RAD18: variants seen among roughly 807,000 people sequenced by gnomAD.
The protein encoded by RAD18 is RAD18 E3 ubiquitin protein ligase, also known as E3 ubiquitin-protein ligase RAD18.
RAD18 carries 47 observed loss-of-function variants against 60.4 expected under a neutral mutation model. That is an observed-to-expected ratio of 0.78 (90% confidence interval 0.62 to 0.99). The LOEUF (loss-of-function observed/expected upper bound fraction) is 0.99. Among genes scored for constraint, RAD18 ranks in the 50% least tolerant of loss-of-function variants. The pLI is 0.00. For synonymous variants in RAD18, 225 were observed against 195.5 expected, an observed-to-expected ratio of 1.15 and a Z score of -1.26; for missense variants, 640 against 593.3, an observed-to-expected ratio of 1.08 and a Z score of -0.82.
At position 8,901,210 on chromosome 3, in the gene RAD18, C is replaced by T. The variant is rs920129965; in HGVS notation, c.1168+1170G>A. Among the ~76,000 whole-genome samples, 4 of 152,126 alleles carry T rather than the reference C, an allele frequency of 2.6e-5. No individual in the cohort carries two copies. In the South Asian group the frequency reaches 8.3e-4, roughly 32 times the overall value. ...GATGAGGATGTGAAGAAATTGGAAC[C>T]CTCATGCTTCGCTGGTGGGAATGTA... On this transcript the variant is annotated intron_variant, in intron 10 of 12. Transcript: ENST00000264926.
intron 12 of RAD18, among the ~76,000 whole-genome samples, chr3:8,882,659 A>G (rs947157200): frequency 4.6e-5 from 7 of 152,232 alleles, no homozygotes; most frequent in African/African-American, 1.7e-4. Flanking sequence ...GGTGCAGGAA[A>G]GCAAGCATGG....
chr3:8,940,784 T>C (rs1258558094), intron 5 of RAD18, among the ~76,000 whole-genome samples: 2 of 152,212 alleles, frequency 1.3e-5, no homozygotes, highest in African/African-American at 2.4e-5. Flanking sequence ...TGGAAAGGTA[T>C]AGAACAGGGG....
At chr3:8,916,206 T>G (rs553250439) in intron 7 of RAD18, among the ~76,000 whole-genome samples, 1 of 152,110 alleles carries the variant, frequency 6.6e-6, no homozygotes, top group Non-Finnish European at 1.5e-5. Flanking sequence ...CCCTGACCCA[T>G]AGAGGACCCC....
At chr3:8,888,977 A>T (rs1939633548) in intron 12 of RAD18, among the ~76,000 whole-genome samples, 1 of 152,236 alleles carries the variant, frequency 6.6e-6, no homozygotes, top group Non-Finnish European at 1.5e-5. Context: ...TAGTTAGCTA[A>T]GGAGTCTCCT....
intron 9 of RAD18, among the ~76,000 whole-genome samples, chr3:8,908,286 T>C (rs1273133009): frequency 5.4e-5 from 8 of 149,394 alleles, no homozygotes; most frequent in Non-Finnish European, 7.4e-5. Flanking sequence ...TTTTTTTTTC[T>C]TTTCTAAGTG....
chr3:8,897,686 A>T (rs560091064), intron 11 of RAD18, among the ~76,000 whole-genome samples: 12 of 152,354 alleles, frequency 7.9e-5, no homozygotes, highest in African/African-American at 2.6e-4. Context: ...TCATTAAATA[A>T]CACTGGCAAT....
intron 11 of RAD18, among the ~76,000 whole-genome samples, chr3:8,895,606 TAA>T (rs534665837): frequency 1.6e-3 from 249 of 152,118 alleles, no homozygotes; most frequent in African/African-American, 5.2e-3. Context: ...CAAAACTTTA[TAA>T]AGAGTAAGGT....
chr3:8,915,804 C>A (rs189204397), intron 7 of RAD18, among the ~76,000 whole-genome samples: 1 of 151,978 alleles, frequency 6.6e-6, no homozygotes, highest in Admixed American at 6.5e-5. Flanking sequence ...AGGATGGTCT[C>A]GATCTCCTGA....
At chr3:8,889,847 C>T (rs1334062922) in intron 12 of RAD18, among the ~76,000 whole-genome samples, 1 of 152,168 alleles carries the variant, frequency 6.6e-6, no homozygotes, top group Non-Finnish European at 1.5e-5. Context: ...ATCAGATTTG[C>T]ATTTTGAAAA....
At chr3:8,927,051 T>C (rs1278503240) in intron 7 of RAD18, among the ~76,000 whole-genome samples, 1 of 151,940 alleles carries the variant, frequency 6.6e-6, no homozygotes, top group African/African-American at 2.4e-5. Flanking sequence ...AAGCCAAAAA[T>C]GACAAATGGG....
rs1296643355 is a variant in RAD18, at chr3:8,877,674, T to C, written c.*3683A>G. 1 of 152,222 alleles carries C rather than the reference T, an allele frequency of 6.6e-6. No homozygotes were observed. Among genetic ancestry groups the C allele is most frequent in the African/African-American group, 2.4e-5 (1 of 41,456 alleles). The allele number at this position is 152,222 out of a possible 1,614,324, so 9.4% of individuals were successfully genotyped here. ...CACAGTTGTACATTAATCTATATAA[T>C]TACTTAATGCTCATCTTCCCTTCTG... On this transcript the variant is annotated 3_prime_UTR_variant, in exon 13 of 13. Coordinates refer to ENST00000264926, the MANE Select transcript of RAD18 (RefSeq NM_020165.4).
intron 12 of RAD18, among the ~76,000 whole-genome samples, chr3:8,886,100 C>G (rs888567231): frequency 6.6e-6 from 1 of 152,152 alleles, no homozygotes; most frequent in African/African-American, 2.4e-5. Context: ...TGTTTAGCTG[C>G]TAGAGAAAAA....
intron 2 of RAD18, among the ~76,000 whole-genome samples, chr3:8,949,208 G>C (rs574001438): frequency 7.9e-5 from 12 of 152,318 alleles, no homozygotes; most frequent in African/African-American, 2.2e-4. Flanking sequence ...TGTTCTCCCA[G>C]TCAAAGACAA....
chr3:8,963,310 C>A, intron 1 of RAD18, 25 bp downstream of exon 1: 1 of 1,597,240 alleles, frequency 6.3e-7, no homozygotes, highest in Non-Finnish European at 8.5e-7. Flanking sequence ...CACCCGGGAG[C>A]TCCCAAACTC....
At chr3:8,918,252 A>G (rs1378178678) in intron 7 of RAD18, among the ~76,000 whole-genome samples, 1 of 131,164 alleles carries the variant, frequency 7.6e-6, no homozygotes, top group African/African-American at 2.8e-5. Context: ...CAGGAGGAGG[A>G]GGTTGTAGTG....
Position 8,958,934 on chromosome 3 carries a change from T to C in RAD18, c.119A>G (p.Gln40Arg). 1 of 1,612,988 alleles carries C rather than the reference T, an allele frequency of 6.2e-7. No homozygotes were observed. The highest frequency in any genetic ancestry group is 8.5e-7 in the Non-Finnish European group (1 of 1,179,062). The change falls in exon 2 of 13, where the codon CAG becomes CGG. Residue 40 changes from glutamine to arginine, a missense_variant. Physicochemically the swap from Gln to Arg is conservative, Grantham distance 43. Coordinates refer to ENST00000264926, the MANE Select transcript of RAD18 (RefSeq NM_020165.4). ...AACATACTTACAGTTATGTGAACACTGAGGTATTATCATTGCAATGTTGAA... is the reference window on the plus strand; with the variant it reads ...AACATACTTACAGTTATGTGAACACCGAGGTATTATCATTGCAATGTTGAA... ...EYFNIAMIIP[Q>R]CSHNYCSLCI...
chr3:8,899,093 G>C, intron 10 of RAD18, 46 bp from the exon 11 acceptor site: 1 of 1,442,660 alleles, frequency 6.9e-7, no homozygotes, highest in African/African-American at 1.4e-5. Flanking sequence ...TACAACTTCT[G>C]TATGCCTATT....
intron 2 of RAD18, among the ~76,000 whole-genome samples, chr3:8,949,896 G>GT (rs1239885726): frequency 6.6e-6 from 1 of 152,200 alleles, no homozygotes; most frequent in African/African-American, 2.4e-5. Flanking sequence ...TCACACTTCT[G>GT]TGAGTTTTAG....
intron 7 of RAD18, among the ~76,000 whole-genome samples, chr3:8,922,298 C>T (rs1391968756): frequency 6.6e-6 from 1 of 152,218 alleles, no homozygotes; most frequent in Non-Finnish European, 1.5e-5. Context: ...ATATCCCGTG[C>T]CTGGCTCGGA....
Sources: gnomAD v4.1 joint callset for allele counts (sites outside exome capture counted in the v4.1 genomes callset) on GRCh38, gnomAD v4.1.1 for gene constraint, MANE v1.5 for transcripts, NCBI Gene and HGNC (gene_info 2026-07-23, HGNC 2026-07-21) for gene names.